ARMC2: variants seen among roughly 807,000 people sequenced by gnomAD.
The protein encoded by ARMC2 is armadillo repeat containing 2.
A neutral mutation model predicts 90.3 loss-of-function variants in ARMC2; 67 were observed. That is an observed-to-expected ratio of 0.74 (90% confidence interval 0.61 to 0.91). The LOEUF (loss-of-function observed/expected upper bound fraction) is 0.91. Among genes scored for constraint, ARMC2 ranks in the 40% least tolerant of loss-of-function variants. The probability of loss-of-function intolerance (pLI) is 0.00; values close to 1 mark genes in which losing one functional copy is unlikely to be tolerated. For synonymous variants in ARMC2, 393 were observed against 393.0 expected, an observed-to-expected ratio of 1.00 and a Z score of 0.00; for missense variants, 920 against 1,030.9, an observed-to-expected ratio of 0.89 and a Z score of 1.47.
chr6:108,985,466 G>A, the ARMC2 span, among the ~76,000 whole-genome samples: 2 of 152,176 alleles, frequency 1.3e-5, no homozygotes, highest in Non-Finnish European at 2.9e-5. Context: ...TAGAAATCCT[G>A]TGTGTTTAGT....
the ARMC2 span, among the ~76,000 whole-genome samples, chr6:109,047,523 G>A: frequency 2.3e-5 from 3 of 129,700 alleles, no homozygotes; most frequent in African/African-American, 5.6e-5. Context: ...GGTGAGGGGC[G>A]CCTCTGCCCG....
chr6:108,923,618 CTTT>C (rs35715301), intron 10 of ARMC2, among the ~76,000 whole-genome samples: 1 of 137,252 alleles, frequency 7.3e-6, no homozygotes, highest in Non-Finnish European at 1.5e-5. Context: ...TCCCCACACC[CTTT>C]TTTTTTTTTT....
chr6:109,002,923 C>G, the ARMC2 span, among the ~76,000 whole-genome samples: 2 of 152,008 alleles, frequency 1.3e-5, no homozygotes, highest in Non-Finnish European at 2.9e-5. Context: ...TGTAAGTTTG[C>G]CTTAAATTAA....
the ARMC2 span, among the ~76,000 whole-genome samples, chr6:109,013,487 C>A: frequency 6.6e-6 from 1 of 152,168 alleles, no homozygotes; most frequent in African/African-American, 2.4e-5. Flanking sequence ...GACCAAGTGG[C>A]TTCCCTGAGC....
chr6:108,987,411 G>T, the ARMC2 span: 1 of 547,384 alleles, frequency 1.8e-6, no homozygotes. Context: ...AAAAATAGCA[G>T]AAACTAAAGG....
At chr6:109,036,241 A>C in the ARMC2 span, among the ~76,000 whole-genome samples, 1 of 152,346 alleles carries the variant, frequency 6.6e-6, no homozygotes, top group South Asian at 2.1e-4. Context: ...AAATGTCATT[A>C]CTGCTTCCAG....
chr6:108,883,972 A>G (rs956342550), intron 5 of ARMC2, among the ~76,000 whole-genome samples: 8 of 152,260 alleles, frequency 5.3e-5, no homozygotes, highest in South Asian at 2.1e-4. Context: ...TTTTTTTAAA[A>G]TCTTCTTTGT....
chr6:109,036,726 G>A, the ARMC2 span, among the ~76,000 whole-genome samples: 1 of 152,232 alleles, frequency 6.6e-6, no homozygotes, highest in Non-Finnish European at 1.5e-5. Flanking sequence ...ATACCTGGAG[G>A]AAGTGCTACC....
chr6:108,961,744 G>A (rs994544756), intron 14 of ARMC2, 50 bp downstream of exon 14: 6 of 1,526,382 alleles, frequency 3.9e-6, no homozygotes, highest in African/African-American at 2.8e-5. Context: ...TTGAAGTTTC[G>A]ATTTTATTAA....
intron 8 of ARMC2, among the ~76,000 whole-genome samples, chr6:108,909,465 C>A (rs1420424045): frequency 6.6e-6 from 1 of 151,308 alleles, no homozygotes; most frequent in African/African-American, 2.4e-5. Context: ...AAAAAAAAAA[C>A]ACTATATTTC....
chr6:108,933,758 A>G (rs12197087), intron 11 of ARMC2, among the ~76,000 whole-genome samples: 17,235 of 152,156 alleles, frequency 0.11, 1,280 homozygotes, highest in Middle Eastern at 0.19. Context: ...TTCATGGGGA[A>G]TGCTTCCAGC....
the ARMC2 span, among the ~76,000 whole-genome samples, chr6:108,997,155 T>C: frequency 6.6e-6 from 1 of 152,210 alleles, no homozygotes; most frequent in Non-Finnish European, 1.5e-5. Flanking sequence ...GGGTAGGCCA[T>C]AAACCTTCTA....
chr6:108,948,809 T>A (rs1409175466), intron 12 of ARMC2, among the ~76,000 whole-genome samples: 3 of 152,094 alleles, frequency 2.0e-5, no homozygotes, highest in Non-Finnish European at 4.4e-5. Context: ...GCACTTAGTC[T>A]TCCCAGATTA....
chr6:109,005,738 T>G, the ARMC2 span, among the ~76,000 whole-genome samples: 1 of 152,198 alleles, frequency 6.6e-6, no homozygotes, highest in East Asian at 1.9e-4. Flanking sequence ...TGAAGAGTCC[T>G]AATCTGTAAA....
At chr6:108,899,820 C>A (rs1476825226) in intron 7 of ARMC2, 28 bp downstream of exon 7, 33 of 1,556,922 alleles carry the variant, frequency 2.1e-5, no homozygotes, top group Non-Finnish European at 2.5e-5. Context: ...AAACAAAAAA[C>A]CGTTTTTGTT....
At chr6:109,000,478 C>A in the ARMC2 span, 3 of 1,512,078 alleles carry the variant, frequency 2.0e-6, no homozygotes, top group East Asian at 2.4e-5. Context: ...AGATATATTA[C>A]CCCACTGCTT....
intron 3 of ARMC2, among the ~76,000 whole-genome samples, chr6:108,866,191 T>A (rs894156431): frequency 2.0e-5 from 3 of 152,202 alleles, no homozygotes; most frequent in African/African-American, 7.2e-5. Context: ...CACGTCTATC[T>A]TCAAAATTGA....
the ARMC2 span, among the ~76,000 whole-genome samples, chr6:108,981,417 C>A: frequency 2.0e-5 from 3 of 152,162 alleles, no homozygotes; most frequent in African/African-American, 7.2e-5. Flanking sequence ...TGCAACAGAT[C>A]TCTAGAACTC....
intron 10 of ARMC2, among the ~76,000 whole-genome samples, chr6:108,921,321 T>C (rs1774542849): frequency 1.3e-5 from 2 of 152,184 alleles, no homozygotes; most frequent in Admixed American, 1.3e-4. Flanking sequence ...AGCCAAATGT[T>C]AAATAGAGTC....
Sources: gnomAD v4.1 joint callset for allele counts (sites outside exome capture counted in the v4.1 genomes callset) on GRCh38, gnomAD v4.1.1 for gene constraint, MANE v1.5 for transcripts, NCBI Gene and HGNC (gene_info 2026-07-23, HGNC 2026-07-21) for gene names.